SORBS2: variants seen among roughly 807,000 people sequenced by gnomAD.
SORBS2 encodes sorbin and SH3 domain containing 2.
SORBS2 carries 46 observed loss-of-function variants against 97.7 expected under a neutral mutation model. That is an observed-to-expected ratio of 0.47 (90% CI 0.37 to 0.60). The LOEUF (loss-of-function observed/expected upper bound fraction) is 0.60. Among genes scored for constraint, SORBS2 ranks in the 20% least tolerant of loss-of-function variants. The pLI, the probability that SORBS2 is intolerant of heterozygous loss-of-function variation, is 0.00. For synonymous variants in SORBS2, 476 were observed against 473.4 expected (o/e 1.01, Z -0.07); for missense variants, 1,316 against 1,282.3 (o/e 1.03, Z -0.40).
intron 1 of SORBS2, among the ~76,000 whole-genome samples, chr4:185,877,883 A>AAAAAAGAAAG (rs1344109012): frequency 1.2e-3 from 179 of 145,240 alleles, no homozygotes; most frequent in African/African-American, 4.3e-3. Context: ...ACAAAAAAAA[A>AAAAAAGAAAG]AAAGAAAGAA....
At chr4:185,788,582 AAG>A (rs1324767073) in intron 1 of SORBS2, among the ~76,000 whole-genome samples, 1 of 152,234 alleles carries the variant, frequency 6.6e-6, no homozygotes, top group Non-Finnish European at 1.5e-5. Flanking sequence ...ACTTCTGAAA[AAG>A]AGAACCTTGC....
chr4:185,709,874 TAAGA>T (rs2098402569), intron 2 of SORBS2: 1 of 149,218 alleles, frequency 6.7e-6, no homozygotes. Context: ...TTTTTTTTTT[TAAGA>T]CTAGTCAAGT....
intron 1 of SORBS2, chr4:185,811,009 C>T (rs1360423447): frequency 6.6e-6 from 1 of 152,134 alleles, no homozygotes; most frequent in African/African-American, 2.4e-5. Flanking sequence ...CGGGGGAGCA[C>T]AATGGGGGTC....
chr4:185,730,975 T>C (rs533478169), intron 2 of SORBS2, among the ~76,000 whole-genome samples: 20 of 152,316 alleles, frequency 1.3e-4, no homozygotes, highest in African/African-American at 4.6e-4. Context: ...ATTTTCCTCA[T>C]GGACACCATT....
intron 1 of SORBS2, among the ~76,000 whole-genome samples, chr4:185,850,307 G>A (rs1011199273): frequency 3.9e-5 from 6 of 152,198 alleles, no homozygotes; most frequent in Non-Finnish European, 7.3e-5. Flanking sequence ...GAGTTCTCAA[G>A]GCAGTCTTGC....
At chr4:185,956,236 T>C (rs2099279458) in exon 1 of SORBS2, 1 of 152,250 alleles carries the variant, frequency 6.6e-6, no homozygotes, top group South Asian at 2.1e-4. Context: ...ATCGCTGTCT[T>C]GTCGGCTGCT....
In SORBS2 at chr4:185,587,304, C is replaced by CTTT. The variant is rs33934418; in HGVS notation, c.*320_*322dup. On this transcript the variant is annotated 3_prime_UTR_variant, in exon 15 of 15. Transcript: ENST00000418609. ...GAGGCTGGACAGCCTCCTGGAGACA[C>CTTT]TTTTTTTTTTTTTTTTTGCCTCAAA... The CTTT allele has an allele frequency of 4.8e-3, 752 of 157,790 alleles. 13 individuals are homozygous for CTTT. Among genetic ancestry groups the CTTT allele is most frequent in the African/African-American group, 0.02 (721 of 35,814 alleles). 9.8% of individuals were successfully genotyped at this position (157,790 alleles called of 1,614,324 possible). A position where few individuals can be genotyped will look rare whatever the true frequency, so the allele number is the denominator to read the frequency against.
At chr4:185,769,111 A>G (rs2310356) in intron 2 of SORBS2, among the ~76,000 whole-genome samples, 116,841 of 151,574 alleles carry the variant, frequency 0.77, 45,452 homozygotes, top group African/African-American at 0.86. Context: ...CTTAGCATGA[A>G]GGTGTAAGTC....
chr4:185,708,252 G>C (rs1253854532), intron 2 of SORBS2, among the ~76,000 whole-genome samples: 2 of 152,196 alleles, frequency 1.3e-5, no homozygotes, highest in Non-Finnish European at 2.9e-5. Flanking sequence ...AACATATTAA[G>C]CATGTCATTC....
At chr4:185,594,037 C>T (rs993752215) in intron 12 of SORBS2, 102 bp from the exon 25 acceptor site, 15 of 774,288 alleles carry the variant, frequency 1.9e-5, no homozygotes, top group Non-Finnish European at 3.2e-5. Context: ...TTAATATTTC[C>T]TGTTGTAAAA....
chr4:185,736,010 A>G (rs534137315), intron 2 of SORBS2, among the ~76,000 whole-genome samples: 1 of 152,258 alleles, frequency 6.6e-6, no homozygotes, highest in South Asian at 2.1e-4. Flanking sequence ...GATATTTCCC[A>G]TTTGTGGATG....
chr4:185,818,539 C>T (rs1291009561), intron 1 of SORBS2, among the ~76,000 whole-genome samples: 1 of 152,114 alleles, frequency 6.6e-6, no homozygotes, highest in African/African-American at 2.4e-5. Flanking sequence ...CAGATCATTG[C>T]CTTGAACTGA....
intron 1 of SORBS2, among the ~76,000 whole-genome samples, chr4:185,916,923 C>G (rs529476731): frequency 1.3e-5 from 2 of 152,224 alleles, no homozygotes; most frequent in Non-Finnish European, 2.9e-5. Flanking sequence ...CAGGTAGCTA[C>G]AGGATGGGGC....
intron 1 of SORBS2, among the ~76,000 whole-genome samples, chr4:185,884,590 G>T (rs1315788390): frequency 6.6e-6 from 1 of 152,218 alleles, no homozygotes; most frequent in African/African-American, 2.4e-5. Context: ...GTGAGAATAT[G>T]ATTTCCATCA....
At chr4:185,691,813 C>T (rs1260829823) in intron 2 of SORBS2, among the ~76,000 whole-genome samples, 1 of 151,880 alleles carries the variant, frequency 6.6e-6, no homozygotes, top group Non-Finnish European at 1.5e-5. Flanking sequence ...GGTGCGATCT[C>T]GGCTCACTGC....
chr4:185,924,985 T>C (rs1409304704), intron 1 of SORBS2, among the ~76,000 whole-genome samples: 5 of 152,072 alleles, frequency 3.3e-5, no homozygotes, highest in African/African-American at 1.2e-4. Flanking sequence ...CAAAAATCAC[T>C]CTGACAAGGC....
Position 185,684,725 on chromosome 4 carries a change from C to A in SORBS2, c.-197-5903G>T. The A allele has an allele frequency of 2.0e-6, 3 of 1,465,042 alleles. No homozygotes were observed. The highest frequency in any genetic ancestry group is 2.8e-6 in the Non-Finnish European group (3 of 1,069,388). 90.8% of individuals were successfully genotyped at this position (1,465,042 alleles called of 1,614,324 possible). A position where few individuals can be genotyped will look rare whatever the true frequency, so the allele number is the denominator to read the frequency against. On this transcript the variant is annotated intron_variant, in intron 2 of 20. Coordinates refer to the SORBS2 transcript ENST00000284776. The surrounding 1 kb of genome is among the most constrained non-coding windows in gnomAD (Gnocchi z 4.2). ...AGAAGAGCTAGAAGCCATTCAAGTG[C>A]GACATTGTGTGAGTTAGTGATATTA... is the stretch of plus-strand genomic sequence containing the variant.
intron 1 of SORBS2, among the ~76,000 whole-genome samples, chr4:185,936,854 T>TGCACGGCACG (rs1349328803): frequency 6.6e-6 from 1 of 152,220 alleles, no homozygotes; most frequent in Non-Finnish European, 1.5e-5. Flanking sequence ...CAGCACAGCA[T>TGCACGGCACG]GCACGGCACG....
intron 1 of SORBS2, among the ~76,000 whole-genome samples, chr4:185,829,788 T>A (rs2099204156): frequency 6.6e-6 from 1 of 152,214 alleles, no homozygotes; most frequent in African/African-American, 2.4e-5. Flanking sequence ...ATATATTTTT[T>A]CATAAATTCT....
Sources: gnomAD v4.1 joint callset for allele counts (sites outside exome capture counted in the v4.1 genomes callset) on GRCh38, gnomAD v4.1.1 for gene constraint, Gnocchi (gnomAD v3.1) non-coding constraint, MANE v1.5 for transcripts, NCBI Gene and HGNC (gene_info 2026-07-23, HGNC 2026-07-21) for gene names.